Variants in PLCXD3 observed in about 807,000 individuals in gnomAD.
The protein encoded by PLCXD3 is phosphatidylinositol specific phospholipase C X domain containing 3.
PLCXD3 carries 19 observed loss-of-function variants against 25.5 expected under a neutral mutation model. That is an observed-to-expected ratio of 0.75 (90% CI 0.52 to 1.09). The LOEUF (loss-of-function observed/expected upper bound fraction) is 1.09, where lower values mean the gene tolerates loss of function less well. Ranked by LOEUF, PLCXD3 falls within the 50% of genes least tolerant of loss-of-function variation. The pLI is 0.00. For missense variants in PLCXD3, 411 were observed against 388.1 expected (o/e 1.06, Z -0.50); for synonymous variants, 174 against 137.6 (o/e 1.26, Z -1.85).
At chr5:41,380,481 T>C (rs1307925266) in intron 2 of PLCXD3, among the ~76,000 whole-genome samples, 1 of 152,090 alleles carries the variant, frequency 6.6e-6, no homozygotes, top group African/African-American at 2.4e-5. Flanking sequence ...TCATGTCAAG[T>C]CATGCTACTT....
chr5:41,414,969 C>T (rs867716705), intron 1 of PLCXD3, among the ~76,000 whole-genome samples: 9 of 152,032 alleles, frequency 5.9e-5, no homozygotes, highest in South Asian at 2.1e-4. Context: ...TATAATTGTT[C>T]CATTTTATTA....
intron 1 of PLCXD3, among the ~76,000 whole-genome samples, chr5:41,419,949 G>A (rs1746780993): frequency 6.6e-6 from 1 of 152,134 alleles, no homozygotes; most frequent in Non-Finnish European, 1.5e-5. Context: ...AGCACCTTTA[G>A]TAGCTAAATA....
At chr5:41,369,720 T>A (rs1710228884) in intron 2 of PLCXD3, among the ~76,000 whole-genome samples, 1 of 152,102 alleles carries the variant, frequency 6.6e-6, no homozygotes, top group Non-Finnish European at 1.5e-5. Flanking sequence ...CTCAAGTGAT[T>A]CACCCAGCTC....
intron 1 of PLCXD3, among the ~76,000 whole-genome samples, chr5:41,421,425 G>C (rs1005332064): frequency 6.6e-6 from 1 of 152,116 alleles, no homozygotes; most frequent in Non-Finnish European, 1.5e-5. Flanking sequence ...TTTGGAGCTG[G>C]GCGCGGTGGC....
chr5:41,499,323 A>T (rs1309740008), intron 1 of PLCXD3, among the ~76,000 whole-genome samples: 1 of 151,756 alleles, frequency 6.6e-6, no homozygotes, highest in Non-Finnish European at 1.5e-5. Context: ...AATCAACATT[A>T]AAAATCAGTT....
intron 1 of PLCXD3, among the ~76,000 whole-genome samples, chr5:41,386,850 G>A (rs775278818): frequency 1.3e-5 from 2 of 151,780 alleles, no homozygotes; most frequent in African/African-American, 2.4e-5. Context: ...AGTTGCCATT[G>A]CCTCCCCTTC....
chr5:41,486,313 G>A (rs1160257972), intron 1 of PLCXD3, among the ~76,000 whole-genome samples: 1 of 151,798 alleles, frequency 6.6e-6, no homozygotes, highest in African/African-American at 2.4e-5. Context: ...GGTGGTCATC[G>A]TCCCCCCTGG....
intron 1 of PLCXD3, among the ~76,000 whole-genome samples, chr5:41,419,489 G>A (rs1431757339): frequency 6.6e-6 from 1 of 152,070 alleles, no homozygotes; most frequent in Non-Finnish European, 1.5e-5. Flanking sequence ...ATGATGCCAA[G>A]ACATGGTTGA....
rs183626078 is a variant in PLCXD3 at position 41,367,291 on chromosome 5, G to A, written c.812+14535C>T. 2.6e-5 allele frequency among the ~76,000 whole-genome samples: 4 copies of A among 152,102 alleles called. No homozygotes were observed. The East Asian group carries it at 5.8e-4, about 22-fold the overall frequency. On this transcript the variant is annotated intron_variant, in intron 2 of 2. Transcript: ENST00000377801. ...GGTGTTCCTATTTCTCCACAGCCTC[G>A]CCCGTGTCTATTGTTTCTTGACTTT...
intron 1 of PLCXD3, among the ~76,000 whole-genome samples, chr5:41,440,249 T>TTTTG (rs751131624): frequency 4.0e-5 from 4 of 100,390 alleles, no homozygotes; most frequent in African/African-American, 1.2e-4. Flanking sequence ...TTTTTTTTTT[T>TTTTG]TTAGTCAGAG....
intron 1 of PLCXD3, among the ~76,000 whole-genome samples, chr5:41,445,992 C>G (rs930417377): frequency 1.3e-5 from 2 of 151,628 alleles, no homozygotes; most frequent in South Asian, 4.2e-4. Flanking sequence ...TCGAGACTAT[C>G]CTGGCTAACA....
At chr5:41,388,137 T>C (rs572893658) in intron 1 of PLCXD3, among the ~76,000 whole-genome samples, 3 of 151,542 alleles carry the variant, frequency 2.0e-5, no homozygotes, top group Admixed American at 6.6e-5. Context: ...AAAAAAAAAA[T>C]ACATACAATC....
chr5:41,423,780 T>C (rs2150506717), intron 1 of PLCXD3, among the ~76,000 whole-genome samples: 1 of 152,226 alleles, frequency 6.6e-6, no homozygotes, highest in African/African-American at 2.4e-5. Flanking sequence ...CTCATCATTT[T>C]TTTTCTCCTT....
chr5:41,496,149 A>T (rs1274498529), intron 1 of PLCXD3, among the ~76,000 whole-genome samples: 1 of 152,106 alleles, frequency 6.6e-6, no homozygotes, highest in Admixed American at 6.6e-5. Context: ...AGGATAGATC[A>T]TTCGAAATTA....
chr5:41,409,078 A>C (rs1746439571), intron 1 of PLCXD3, among the ~76,000 whole-genome samples: 1 of 152,228 alleles, frequency 6.6e-6, no homozygotes, highest in East Asian at 1.9e-4. Context: ...ATTTTGCCTT[A>C]GCCTCCAAGA....
chr5:41,384,906 A>G (rs1344672912), intron 1 of PLCXD3, among the ~76,000 whole-genome samples: 1 of 152,152 alleles, frequency 6.6e-6, no homozygotes, highest in African/African-American at 2.4e-5. Context: ...AGGTGTAGCC[A>G]CAGCACCTCG....
intron 1 of PLCXD3, among the ~76,000 whole-genome samples, chr5:41,422,982 T>C (rs1372181262): frequency 2.0e-5 from 3 of 152,122 alleles, no homozygotes; most frequent in African/African-American, 7.2e-5. Context: ...TCTTCTATTC[T>C]TAATTTTCTA....
chr5:41,415,518 T>A (rs1211530007), intron 1 of PLCXD3, among the ~76,000 whole-genome samples: 1 of 152,200 alleles, frequency 6.6e-6, no homozygotes, highest in Non-Finnish European at 1.5e-5. Context: ...TATTGACAGA[T>A]CCATATGTTT....
intron 1 of PLCXD3, among the ~76,000 whole-genome samples, chr5:41,409,944 G>A (rs930010551): frequency 2.6e-5 from 4 of 152,018 alleles, no homozygotes; most frequent in African/African-American, 9.7e-5. Context: ...TTAACACTGA[G>A]AACTAAGTGC....
Sources: allele counts gnomAD v4.1 joint callset (sites outside exome capture counted in the v4.1 genomes callset), GRCh38; gene constraint gnomAD v4.1.1; transcripts MANE v1.5; gene names NCBI Gene and HGNC (gene_info 2026-07-23, HGNC 2026-07-21).